TRIM23: variants seen among roughly 807,000 people sequenced by gnomAD.
TRIM23 encodes the protein E3 ubiquitin-protein ligase TRIM23.
Under a neutral mutation model 71.0 loss-of-function variants are expected in TRIM23, and 27 were observed. The ratio of observed to expected loss-of-function variants is 0.38; its 90% CI spans 0.28 to 0.52. The LOEUF (loss-of-function observed/expected upper bound fraction) is 0.52, where lower values mean the gene tolerates loss of function less well. Ranked by LOEUF, TRIM23 falls within the 20% of genes least tolerant of loss-of-function variation. The probability of loss-of-function intolerance (pLI) is 0.84; values close to 1 mark genes in which losing one functional copy is unlikely to be tolerated. For missense variants in TRIM23, 482 were observed against 692.3 expected (o/e 0.70, Z 3.41); for synonymous variants, 234 against 238.0 (o/e 0.98, Z 0.16).
rs1754823355 is a variant in TRIM23 at position 65,618,189 on chromosome 5, G to A, written c.148C>T (p.Leu50Phe). 1.9e-6 allele frequency: 3 copies of A among 1,613,904 alleles called. No homozygotes were observed. The highest frequency in any genetic ancestry group is 3.3e-5 in the Admixed American group (2 of 59,998). Residue 50 changes from leucine to phenylalanine, a missense_variant, in exon 2 of 11, where the codon CTT becomes TTT. Physicochemically the swap from Leu to Phe is conservative, Grantham distance 22. This residue lies in a region of TRIM23 where 175 missense variants were observed against 196.5 expected (regional missense o/e 0.89). Transcript: ENST00000231524. ...TCATGACAGACGGTATGGCCACAAA[G>A]CAAAAGACGGGGAACTTTGTCTCCT... ...LQGDKVPRLL[L>F]CGHTVCHDCL...
chr5:65,590,191 C>A lies in TRIM23; in HGVS notation c.*1578G>T. ...ACAGTTCAAGTTCTCACAAGCAATA[C>A]AACACCTTTTTTATTTTTCACAGTT... On this transcript the variant is annotated 3_prime_UTR_variant, in exon 11 of 11. Coordinates refer to ENST00000231524, the MANE Select transcript of TRIM23 (RefSeq NM_001656.4). The A allele has an allele frequency of 1.3e-6, 1 of 751,956 alleles. No individual in the cohort carries two copies. Among genetic ancestry groups the A allele is most frequent in the Non-Finnish European group, 2.2e-6 (1 of 462,366 alleles). The allele number at this position is 751,956 out of a possible 1,614,324, so 46.6% of individuals were successfully genotyped here.
intron 2 of TRIM23, 28 bp downstream of exon 2, chr5:65,618,065 C>T: frequency 1.9e-6 from 3 of 1,564,592 alleles, no homozygotes; most frequent in Non-Finnish European, 2.6e-6. Flanking sequence ...AATTTTCAAT[C>T]TTAAATCCAT....
chr5:65,595,493 G>C (rs1232281618), intron 9 of TRIM23, among the ~76,000 whole-genome samples: 3 of 149,370 alleles, frequency 2.0e-5, no homozygotes, highest in Non-Finnish European at 4.4e-5. Flanking sequence ...GGGAGGCGGA[G>C]CTTGCAGTGA....
chr5:65,609,324 G>A lies in TRIM23; in HGVS notation c.963C>T (p.Leu321=). The A allele has an allele frequency of 6.2e-7, 1 of 1,614,112 alleles. No homozygotes were observed. Among genetic ancestry groups the A allele is most frequent in the Non-Finnish European group, 8.5e-7 (1 of 1,180,032 alleles). The change falls in exon 6 of 11, where the codon CTC becomes CTT. Residue 321 remains leucine (L), a synonymous_variant. Coordinates refer to ENST00000231524, the MANE Select transcript of TRIM23 (RefSeq NM_001656.4). The part of the protein sequence containing the change: ...DAHVREKLIW[L]RQQQEDMTIL... Reference sequence around the variant, plus strand: ...TAGTCATATCTTCTTGTTGCTGCCTGAGCCAAATCAATTTTTCACGAACAT... The same window carrying A: ...TAGTCATATCTTCTTGTTGCTGCCTAAGCCAAATCAATTTTTCACGAACAT...
intron 3 of TRIM23, among the ~76,000 whole-genome samples, chr5:65,613,541 TACTTTTACATTATTAAA>T (rs1301377491): frequency 6.6e-6 from 1 of 152,226 alleles, no homozygotes; most frequent in African/African-American, 2.4e-5. Flanking sequence ...GCTAAAAATA[TACTTTTACATTATTAAA>T]ATCCAGTGTT....
intron 1 of TRIM23, among the ~76,000 whole-genome samples, chr5:65,618,766 T>C (rs554094015): frequency 1.3e-5 from 2 of 152,340 alleles, no homozygotes; most frequent in East Asian, 3.9e-4. Flanking sequence ...TCTTCTACTA[T>C]CTAATGTACA....
intron 1 of TRIM23, among the ~76,000 whole-genome samples, chr5:65,621,963 T>C (rs1182454780): frequency 6.6e-6 from 1 of 151,790 alleles, no homozygotes; most frequent in African/African-American, 2.4e-5. Flanking sequence ...AAGTAGCTGG[T>C]ACCACAGGCA....
intron 7 of TRIM23, 146 bp from the exon 8 acceptor site, chr5:65,597,326 G>T: frequency 1.1e-6 from 1 of 946,328 alleles, no homozygotes; most frequent in Non-Finnish European, 1.5e-6. Context: ...CTGATCTCAA[G>T]AAGATGAAAT....
chr5:65,617,959 T>C, intron 2 of TRIM23, 134 bp downstream of exon 2: 2 of 934,774 alleles, frequency 2.1e-6, no homozygotes, highest in Middle Eastern at 3.3e-4. Context: ...TTGACCTTAA[T>C]AGAAACTTAG....
chr5:65,613,966 T>C (rs1398101321), intron 3 of TRIM23, 132 bp downstream of exon 3: 22 of 1,530,786 alleles, frequency 1.4e-5, no homozygotes, highest in Non-Finnish European at 1.9e-5. Context: ...TTCAGAACTG[T>C]AATGTAATGA....
At chr5:65,603,626 C>A (rs1249667394) in intron 7 of TRIM23, among the ~76,000 whole-genome samples, 2 of 152,110 alleles carry the variant, frequency 1.3e-5, no homozygotes, top group African/African-American at 2.4e-5. Context: ...TCTGAATAAA[C>A]CTTGCTTTGA....
At position 65,591,095 on chromosome 5, in the gene TRIM23, T is replaced by C; in HGVS notation, c.*674A>G. 9.8e-7 allele frequency: 1 copy of C among 1,019,654 alleles called. No homozygotes were observed. Among genetic ancestry groups the C allele is most frequent in the African/African-American group, 1.7e-5 (1 of 57,728 alleles). The allele number at this position is 1,019,654 out of a possible 1,614,324, so 63.2% of individuals were successfully genotyped here. A position where few individuals can be genotyped will look rare whatever the true frequency, so the allele number is the denominator to read the frequency against. On this transcript the variant is annotated 3_prime_UTR_variant, in exon 11 of 11. Coordinates refer to ENST00000231524, the MANE Select transcript of TRIM23 (RefSeq NM_001656.4). ...ATTACTGTTCAGTTTATTACTAACC[T>C]GACAAGCCTAATTGGGTAACATTTC...
intron 10 of TRIM23, among the ~76,000 whole-genome samples, chr5:65,592,222 C>G (rs1172798654): frequency 6.6e-6 from 1 of 151,948 alleles, no homozygotes; most frequent in Non-Finnish European, 1.5e-5. Flanking sequence ...AACATACTGC[C>G]TAAGTAATTT....
rs1344001029 is a variant in TRIM23 at position 65,609,294 on chromosome 5, C to T, written c.993G>A (p.Leu331=). The T allele has an allele frequency of 2.5e-6, 4 of 1,614,052 alleles. No homozygotes were observed. The highest frequency in any genetic ancestry group is 3.4e-6 in the Non-Finnish European group (4 of 1,180,030). ...GGCAGGCTGCAGAAACCTCTGACAA[C>T]AAAATAGTCATATCTTCTTGTTGCT... ...LRQQQEDMTI[L]LSEVSAACLH... is the part of the protein sequence containing the mutation. Residue 331 remains leucine (L), a synonymous_variant, in exon 6 of 11, where the codon TTG becomes TTA. Coordinates refer to ENST00000231524, the MANE Select transcript of TRIM23 (RefSeq NM_001656.4).
chr5:65,608,323 A>T (rs149393), intron 6 of TRIM23, among the ~76,000 whole-genome samples: 45,623 of 151,942 alleles, frequency 0.3, 7,156 homozygotes, highest in African/African-American at 0.37. Context: ...GTATCACAAA[A>T]TAGAGGATAG....
chr5:65,611,467 C>G (rs1027745564), intron 4 of TRIM23, 136 bp downstream of exon 4: 2 of 906,420 alleles, frequency 2.2e-6, no homozygotes, highest in Non-Finnish European at 3.1e-6. Flanking sequence ...TATTTTCATG[C>G]TACCAAACCC....
intron 9 of TRIM23, among the ~76,000 whole-genome samples, chr5:65,596,106 C>T (rs1048303037): frequency 1.3e-5 from 2 of 152,160 alleles, no homozygotes; most frequent in Non-Finnish European, 2.9e-5. Flanking sequence ...TATACCACTA[C>T]GCTACCAGCA....
intron 7 of TRIM23, among the ~76,000 whole-genome samples, chr5:65,603,163 G>A (rs1561744661): frequency 6.6e-6 from 1 of 152,118 alleles, no homozygotes; most frequent in East Asian, 1.9e-4. Flanking sequence ...AGGGGGCAGA[G>A]GGGAACTGTT....
At chr5:65,606,066 A>G (rs895926144) in intron 6 of TRIM23, among the ~76,000 whole-genome samples, 4 of 152,170 alleles carry the variant, frequency 2.6e-5, no homozygotes, top group African/African-American at 9.7e-5. Context: ...TTTTAGACAC[A>G]TAGGCCAGAA....
Sources: gnomAD v4.1 joint callset for allele counts (sites outside exome capture counted in the v4.1 genomes callset) on GRCh38, gnomAD v4.1.1 for gene constraint, gnomAD v4.1.1 regional missense constraint, MANE v1.5 for transcripts, NCBI Gene and HGNC (gene_info 2026-07-23, HGNC 2026-07-21) for gene names.